STARD13: variants seen among roughly 807,000 people sequenced by gnomAD.
STARD13 encodes stAR-related lipid transfer protein 13.
In STARD13, 62 loss-of-function variants were observed where a neutral mutation model predicts 106.4. The observed-to-expected ratio is 0.58, with a 90% CI of 0.48 to 0.72. STARD13 has a LOEUF of 0.72. STARD13 is among the 30% of genes least tolerant of loss of function. The probability of loss-of-function intolerance (pLI) is 0.00; values close to 1 mark genes in which losing one functional copy is unlikely to be tolerated. For synonymous variants in STARD13, 565 were observed against 553.0 expected, an observed-to-expected ratio of 1.02 and a Z score of -0.31; for missense variants, 1,387 against 1,424.0, an observed-to-expected ratio of 0.97 and a Z score of 0.42.
the STARD13 span, among the ~76,000 whole-genome samples, chr13:33,459,176 C>G: frequency 6.6e-6 from 1 of 152,054 alleles, no homozygotes; most frequent in Admixed American, 6.6e-5. Context: ...ATGAAACTAC[C>G]ACCATAATCA....
At chr13:33,226,454 T>C (rs796277120) in intron 1 of STARD13, among the ~76,000 whole-genome samples, 5 of 142,806 alleles carry the variant, frequency 3.5e-5, no homozygotes, top group Non-Finnish European at 6.1e-5. Context: ...TTTTTTTTTT[T>C]AGATGAATAT....
chr13:33,366,184 A>T, the STARD13 span, among the ~76,000 whole-genome samples: 1 of 152,100 alleles, frequency 6.6e-6, no homozygotes, highest in South Asian at 2.1e-4. This position sits in a 1 kb window ranked among gnomAD's most constrained non-coding sequence, Gnocchi z 4.2. Context: ...ACTTATATGT[A>T]TATATTACTG....
intron 1 of STARD13, among the ~76,000 whole-genome samples, chr13:33,249,473 TC>T (rs1889988536): frequency 6.6e-6 from 1 of 152,192 alleles, no homozygotes; most frequent in African/African-American, 2.4e-5. Context: ...CCACCTCCTT[TC>T]TTTGAATGAT....
intron 4 of STARD13, among the ~76,000 whole-genome samples, chr13:33,136,297 A>G (rs1175702612): frequency 1.3e-5 from 2 of 152,236 alleles, no homozygotes; most frequent in Non-Finnish European, 2.9e-5. Context: ...TTAATCACAT[A>G]TACGCACACT....
chr13:33,160,959 C>T (rs766316553), intron 3 of STARD13, among the ~76,000 whole-genome samples: 2 of 152,176 alleles, frequency 1.3e-5, no homozygotes, highest in Non-Finnish European at 2.9e-5. Flanking sequence ...CATACAAAAA[C>T]TTGAATATGA....
At chr13:33,602,443 A>G in the STARD13 span, among the ~76,000 whole-genome samples, 1 of 152,334 alleles carries the variant, frequency 6.6e-6, no homozygotes, top group Non-Finnish European at 1.5e-5. Flanking sequence ...AAGACTGAAA[A>G]AGGTTCAAAA....
At chr13:33,225,598 A>C (rs1467347738) in intron 1 of STARD13, among the ~76,000 whole-genome samples, 1 of 152,220 alleles carries the variant, frequency 6.6e-6, no homozygotes, top group Non-Finnish European at 1.5e-5. Flanking sequence ...TCATGCTACC[A>C]CAGAGCAGAA....
At chr13:33,234,066 A>T (rs1031466431) in intron 1 of STARD13, among the ~76,000 whole-genome samples, 20 of 152,360 alleles carry the variant, frequency 1.3e-4, no homozygotes, top group Non-Finnish European at 2.8e-4. Context: ...GTATGATCAT[A>T]TCTGTGTACA....
the STARD13 span, among the ~76,000 whole-genome samples, chr13:33,444,526 G>C: frequency 6.6e-6 from 1 of 152,168 alleles, no homozygotes; most frequent in Non-Finnish European, 1.5e-5. Context: ...AGTACTTTGG[G>C]AGGCCAAGGT....
intron 1 of STARD13, among the ~76,000 whole-genome samples, chr13:33,315,478 G>T (rs1172227163): frequency 6.6e-6 from 1 of 152,026 alleles, no homozygotes; most frequent in Non-Finnish European, 1.5e-5. Context: ...CATTTGAATG[G>T]CCACCCCCAG....
the STARD13 span, among the ~76,000 whole-genome samples, chr13:33,404,522 C>T: frequency 2.0e-5 from 3 of 152,160 alleles, no homozygotes; most frequent in African/African-American, 7.2e-5. Flanking sequence ...AAGTAGTGTT[C>T]CAGAGAGTGA....
At chr13:33,664,202 T>C in the STARD13 span, among the ~76,000 whole-genome samples, 2 of 152,250 alleles carry the variant, frequency 1.3e-5, no homozygotes, top group African/African-American at 4.8e-5. Context: ...TTCCACTCCA[T>C]TCAGCGAACC....
chr13:33,179,591 C>CAGG (rs1885031737), intron 1 of STARD13, among the ~76,000 whole-genome samples: 1 of 152,148 alleles, frequency 6.6e-6, no homozygotes, highest in Admixed American at 6.5e-5. Flanking sequence ...CAACAGACAC[C>CAGG]TGCTGGGTGC....
At chr13:33,150,099 C>G (rs1447130880) in intron 3 of STARD13, among the ~76,000 whole-genome samples, 2 of 152,194 alleles carry the variant, frequency 1.3e-5, no homozygotes, top group Non-Finnish European at 1.5e-5. Flanking sequence ...TTCTTCTAAT[C>G]CCCATAAATC....
chr13:33,262,235 C>T (rs1329870665), intron 1 of STARD13, among the ~76,000 whole-genome samples: 2 of 152,212 alleles, frequency 1.3e-5, no homozygotes, highest in Admixed American at 1.3e-4. Context: ...GGTCTATCAG[C>T]AAGGATGACT....
chr13:33,639,106 G>A, the STARD13 span, among the ~76,000 whole-genome samples: 1 of 152,178 alleles, frequency 6.6e-6, no homozygotes, highest in Non-Finnish European at 1.5e-5. Context: ...AAGAAAGGAA[G>A]AAATGAGAAA....
At chr13:33,570,794 A>G in the STARD13 span, among the ~76,000 whole-genome samples, 37 of 152,158 alleles carry the variant, frequency 2.4e-4, no homozygotes, top group Admixed American at 1.4e-3. Context: ...AGCGTCTGTC[A>G]TGTCACACAT....
chr13:33,351,394 C>T (rs1269716779), upstream of STARD13, among the ~76,000 whole-genome samples: 1 of 152,136 alleles, frequency 6.6e-6, no homozygotes. Context: ...TAGAAATTAA[C>T]TCTGATTCCT....
the STARD13 span, among the ~76,000 whole-genome samples, chr13:33,641,420 G>T: frequency 1.5e-3 from 229 of 152,210 alleles, 1 homozygote; most frequent in African/African-American, 5.1e-3. Flanking sequence ...TACACAGAAA[G>T]GTGGAAGGAA....
Sources: gnomAD v4.1 joint callset for allele counts (sites outside exome capture counted in the v4.1 genomes callset) on GRCh38, gnomAD v4.1.1 for gene constraint, Gnocchi (gnomAD v3.1) non-coding constraint, MANE v1.5 for transcripts, NCBI Gene and HGNC (gene_info 2026-07-23, HGNC 2026-07-21) for gene names.